Variants in CLUL1 observed in about 807,000 individuals in gnomAD.
The protein encoded by CLUL1 is clusterin-like protein 1.
A neutral mutation model predicts 49.4 loss-of-function variants in CLUL1; 43 were observed. The ratio of observed to expected loss-of-function variants is 0.87; its 90% CI spans 0.68 to 1.12. The LOEUF is 1.12. CLUL1 is among the 50% of genes most tolerant of loss of function. The probability of loss-of-function intolerance (pLI) is 0.00; values close to 1 mark genes in which losing one functional copy is unlikely to be tolerated. For synonymous variants in CLUL1, 192 were observed against 184.9 expected, an observed-to-expected ratio of 1.04 and a Z score of -0.31; for missense variants, 486 against 544.4, an observed-to-expected ratio of 0.89 and a Z score of 1.07.
At chr18:616,096 A>G (rs2073281181) in intron 2 of CLUL1, among the ~76,000 whole-genome samples, 1 of 152,216 alleles carries the variant, frequency 6.6e-6, no homozygotes, top group Non-Finnish European at 1.5e-5. Flanking sequence ...CATCGTGTAG[A>G]TTCCAGAGTT....
chr18:648,859 T>C (rs1394425406), intron 9 of CLUL1, among the ~76,000 whole-genome samples: 3 of 152,120 alleles, frequency 2.0e-5, no homozygotes, highest in Admixed American at 2.0e-4. Context: ...GTTTTTACCA[T>C]GTTGGCCGGG....
rs1567966577 is a variant in CLUL1, at chr18:626,920, AAAG to A, written c.424-174_424-172del. On this transcript the variant is annotated intron_variant, in intron 5 of 9. Coordinates refer to ENST00000692774, the MANE Select transcript of CLUL1 (RefSeq NM_001393344.1). ...GAAAGAAAGAAAGAAAGAAAGAAAG[AAAG>A]AAAGAAGGAAAGAAGGAAAGAAGGA... 0.022 allele frequency among the ~76,000 whole-genome samples: 21 copies of A among 944 alleles called. 5 individuals carry two copies. In the South Asian group the frequency reaches 0.83, roughly 37 times the overall value. The allele number at this position is 944 out of a possible 152,430, so 0.6% of individuals were successfully genotyped here. A position where few individuals can be genotyped will look rare whatever the true frequency, so the allele number is the denominator to read the frequency against.
rs1234913886 is a variant in CLUL1, at chr18:624,898, C to T, written c.289C>T (p.His97Tyr). The change falls in exon 5 of 10, where the codon CAT (histidine) becomes TAT (tyrosine). Residue 97 changes from histidine (H) to tyrosine (Y), a missense_variant. Transcript: ENST00000692774. ...ALKLLNEVQE[H>Y]LEEEERLCRE... The stretch of plus-strand genomic sequence containing the variant: ...GAAACTTCTGAATGAAGTTCAAGAA[C>T]ATCTGGAGGAAGAAGAAAGGCTATG... 1.2e-6 allele frequency: 2 copies of T among 1,614,090 alleles called. No individual in the cohort carries two copies. Among genetic ancestry groups the T allele is most frequent in the Non-Finnish European group, 1.7e-6 (2 of 1,179,982 alleles).
At chr18:615,927 G>A (rs774092746) in intron 2 of CLUL1, among the ~76,000 whole-genome samples, 7 of 152,202 alleles carry the variant, frequency 4.6e-5, no homozygotes, top group Admixed American at 1.3e-4. Flanking sequence ...CAGGACCAAC[G>A]TCATAGGGCG....
Position 624,968 on chromosome 18 carries a change from T to C in CLUL1, c.359T>C (p.Leu120Pro), listed in dbSNP as rs370390666. 39 of 1,614,040 alleles carry C rather than the reference T, an allele frequency of 2.4e-5. No homozygotes were observed. Among genetic ancestry groups the C allele is most frequent in the Non-Finnish European group, 3.3e-5 (39 of 1,180,016 alleles). ...TCCTGGGGTGAATGCAGGTCTTGCC[T>C]GGAAAATAACTGCATGAGAATTTAT... ...ADSWGECRSC[L>P]ENNCMRIYTT... Residue 120 changes from leucine to proline, a missense_variant, in exon 5 of 10, where the codon CTG becomes CCG. Physicochemically the swap from Leu to Pro is moderately conservative, Grantham distance 98. Transcript: ENST00000692774.
At chr18:647,825 G>A (rs2074551175) in intron 9 of CLUL1, among the ~76,000 whole-genome samples, 1 of 152,090 alleles carries the variant, frequency 6.6e-6, no homozygotes, top group African/African-American at 2.4e-5. Flanking sequence ...ATAACACCAT[G>A]TAGCACTCAA....
At chr18:628,901 G>C (rs1440886415) in intron 6 of CLUL1, among the ~76,000 whole-genome samples, 1 of 151,948 alleles carries the variant, frequency 6.6e-6, no homozygotes, top group Non-Finnish European at 1.5e-5. Context: ...CCAAAGTGCT[G>C]GAATTACAAG....
intron 9 of CLUL1, among the ~76,000 whole-genome samples, chr18:647,191 A>G (rs2074532634): frequency 6.6e-6 from 1 of 151,492 alleles, no homozygotes; most frequent in South Asian, 2.1e-4. Flanking sequence ...AAGAAAGAGT[A>G]GAGCATCTAG....
intron 5 of CLUL1, among the ~76,000 whole-genome samples, chr18:626,818 G>C (rs1208432154): frequency 6.9e-6 from 1 of 144,988 alleles, no homozygotes; most frequent in East Asian, 2.0e-4. Flanking sequence ...CCGAGATGGT[G>C]CCATTGCACT....
chr18:639,496 T>A (rs1258696683), intron 7 of CLUL1, among the ~76,000 whole-genome samples: 5 of 145,516 alleles, frequency 3.4e-5, no homozygotes, highest in Non-Finnish European at 7.5e-5. Flanking sequence ...CTGGGTGCGG[T>A]GGCTCATGCC....
intron 7 of CLUL1, among the ~76,000 whole-genome samples, chr18:640,185 T>C (rs1267141414): frequency 6.6e-6 from 1 of 151,942 alleles, no homozygotes; most frequent in Non-Finnish European, 1.5e-5. Flanking sequence ...CCTTAGACAA[T>C]AATTTAGTAT....
At chr18:635,294 C>A (rs997273081) in intron 7 of CLUL1, among the ~76,000 whole-genome samples, 4 of 152,120 alleles carry the variant, frequency 2.6e-5, no homozygotes, top group African/African-American at 7.2e-5. Context: ...GAGCGCTCAA[C>A]CTAGACCCTT....
intron 7 of CLUL1, among the ~76,000 whole-genome samples, chr18:635,714 G>C (rs78001585): frequency 0.11 from 16,572 of 152,052 alleles, 1,141 homozygotes; most frequent in African/African-American, 0.18. Context: ...CAGTGAGCAA[G>C]TTGCAACAAA....
rs62090069 is a variant in CLUL1, at chr18:606,993, G to A, written c.-120G>A. The stretch of plus-strand genomic sequence containing the variant: ...TTTTCTTTAGAGTTGCGTCCCTCTC[G>A]GTTGCCAGGCTGGAGTTCAGTGGCA... On this transcript the variant is annotated 5_prime_UTR_variant, in exon 2 of 10. Coordinates refer to ENST00000692774, the MANE Select transcript of CLUL1 (RefSeq NM_001393344.1). The surrounding 1 kb of genome is among the most constrained non-coding windows in gnomAD (Gnocchi z 4.1). The A allele has an allele frequency of 0.014, 9,076 of 649,034 alleles. 100 individuals carry two copies. The highest frequency in any genetic ancestry group is 0.037 in the Middle Eastern group (118 of 3,198). 40.2% of individuals were successfully genotyped at this position (649,034 alleles called of 1,614,324 possible). A position where few individuals can be genotyped will look rare whatever the true frequency, so the allele number is the denominator to read the frequency against.
chr18:631,946 G>C (rs1400863231), intron 6 of CLUL1, among the ~76,000 whole-genome samples: 1 of 152,180 alleles, frequency 6.6e-6, no homozygotes, highest in African/African-American at 2.4e-5. Flanking sequence ...GGGAGAAACT[G>C]ACTTTCTGGT....
At position 619,286 on chromosome 18, in the gene CLUL1, A is replaced by C; in HGVS notation, c.180A>C (p.Lys60Asn). The C allele has an allele frequency of 1.2e-6, 2 of 1,614,094 alleles. No individual in the cohort carries two copies. Among genetic ancestry groups the C allele is most frequent in the South Asian group, 2.2e-5 (2 of 91,074 alleles). The change falls in exon 4 of 10, where the codon AAA becomes AAC. Residue 60 changes from lysine to asparagine, a missense_variant. Coordinates refer to ENST00000692774, the MANE Select transcript of CLUL1 (RefSeq NM_001393344.1). ...CTTTGACTGGTATTAAGCAAATGAA[A>C]ATCATGATGGAAAGAAAAGAGAAGG... ...KKALTGIKQM[K>N]IMMERKEKEH... is the part of the protein sequence containing the mutation.
At chr18:624,590 G>A (rs1162848902) in intron 4 of CLUL1, among the ~76,000 whole-genome samples, 1 of 152,168 alleles carries the variant, frequency 6.6e-6, no homozygotes, top group Non-Finnish European at 1.5e-5. Flanking sequence ...CCCACACCTA[G>A]AGTAATGTCT....
Position 619,238 on chromosome 18 carries a change from T to C in CLUL1, c.132T>C (p.Asp44=), listed in dbSNP as rs1001815755. Reference sequence around the variant, plus strand: ...GTTTTTCTGAGGTGGGGGAGATAGATGCAGATGAAGAGGTGAAGAAGGCTT... The same window carrying C: ...GTTTTTCTGAGGTGGGGGAGATAGACGCAGATGAAGAGGTGAAGAAGGCTT... ...LKSFSEVGEI[D]ADEEVKKALT... is the part of the protein sequence containing the mutation. The change falls in exon 4 of 10, where the codon GAT becomes GAC. Residue 44 remains aspartate (D), a synonymous_variant. Coordinates refer to ENST00000692774, the MANE Select transcript of CLUL1 (RefSeq NM_001393344.1). The C allele has an allele frequency of 1.9e-6, 3 of 1,613,588 alleles. No individual in the cohort carries two copies. Among genetic ancestry groups the C allele is most frequent in the African/African-American group, 1.3e-5 (1 of 74,828 alleles).
At chr18:634,318 G>A (rs1448586535) in intron 7 of CLUL1, among the ~76,000 whole-genome samples, 1 of 152,056 alleles carries the variant, frequency 6.6e-6, no homozygotes, top group South Asian at 2.1e-4. Flanking sequence ...TTTTTAGTAG[G>A]GACGAGGGTT....
Sources: allele counts gnomAD v4.1 joint callset (sites outside exome capture counted in the v4.1 genomes callset), GRCh38; gene constraint gnomAD v4.1.1; non-coding constraint Gnocchi (gnomAD v3.1); transcripts MANE v1.5; gene names NCBI Gene and HGNC (gene_info 2026-07-23, HGNC 2026-07-21).